COL28A1: variants seen among roughly 807,000 people sequenced by gnomAD.
The protein encoded by COL28A1 is collagen alpha-1(XXVIII) chain.
COL28A1 carries 161 observed loss-of-function variants against 150.2 expected under a neutral mutation model. The ratio of observed to expected loss-of-function variants is 1.07; its 90% CI spans 0.94 to 1.22. The LOEUF is 1.22. Ranked by LOEUF, COL28A1 falls within the 50% of genes most tolerant of loss-of-function variation. COL28A1 has a pLI of 0.00. For missense variants in COL28A1, 1,617 were observed against 1,388.3 expected, an observed-to-expected ratio of 1.16 and a Z score of -2.62; for synonymous variants, 552 against 469.7, an observed-to-expected ratio of 1.18 and a Z score of -2.26.
At chr7:7,415,734 A>G (rs1291553997) in intron 27 of COL28A1, among the ~76,000 whole-genome samples, 2 of 152,030 alleles carry the variant, frequency 1.3e-5, no homozygotes, top group African/African-American at 2.4e-5. Flanking sequence ...GGGTTTCACC[A>G]TATTGGTGAG....
At chr7:7,423,409 T>C (rs1374446370) in intron 25 of COL28A1, among the ~76,000 whole-genome samples, 1 of 152,216 alleles carries the variant, frequency 6.6e-6, no homozygotes, top group Non-Finnish European at 1.5e-5. Context: ...GAACCTGAGA[T>C]AGTGTTGCTG....
At chr7:7,504,190 T>G (rs980158093) in intron 11 of COL28A1, among the ~76,000 whole-genome samples, 4 of 152,200 alleles carry the variant, frequency 2.6e-5, no homozygotes, top group African/African-American at 9.7e-5. Context: ...CCCTAAGTGA[T>G]AACACTATTA....
Position 7,373,244 on chromosome 7 carries a change from A to C in COL28A1, c.2662T>G (p.Phe888Val), listed in dbSNP as rs1249789307. The change falls in exon 32 of 35, where the codon TTT becomes GTT. Residue 888 changes from phenylalanine (F) to valine (V), a missense_variant. Transcript: ENST00000399429. This position sits in a 1 kb window ranked among gnomAD's most constrained non-coding sequence, Gnocchi z 4.1. ...TTTACACCTGGCCTTGCATCTTCAA[A>C]CATGTCGTTGGCTGCTTGCAGAGCA... ...ATALQAANDM[F>V]EDARPGVKKV... 2.5e-6 allele frequency: 4 copies of C among 1,614,136 alleles called. No individual in the cohort carries two copies. The highest frequency in any genetic ancestry group is 2.7e-5 in the African/African-American group (2 of 75,012).
At chr7:7,351,000 G>C in the COL28A1 span, among the ~76,000 whole-genome samples, 1 of 152,054 alleles carries the variant, frequency 6.6e-6, no homozygotes, top group Non-Finnish European at 1.5e-5. Context: ...CAATCCACAA[G>C]TCTCAATTTA....
At chr7:7,430,319 G>T (rs1214421784) in intron 25 of COL28A1, among the ~76,000 whole-genome samples, 1 of 152,038 alleles carries the variant, frequency 6.6e-6, no homozygotes, top group Admixed American at 6.6e-5. Context: ...TAGAGACGGG[G>T]TTTCACCATG....
intron 30 of COL28A1, among the ~76,000 whole-genome samples, chr7:7,378,304 T>A (rs1354490963): frequency 6.6e-6 from 1 of 152,152 alleles, no homozygotes; most frequent in Non-Finnish European, 1.5e-5. Context: ...AAAACACTAT[T>A]TTTTCATTCA....
At chr7:7,346,451 A>G in the COL28A1 span, among the ~76,000 whole-genome samples, 4 of 152,098 alleles carry the variant, frequency 2.6e-5, no homozygotes, top group Admixed American at 6.6e-5. Context: ...AATCTAGAGA[A>G]TTAGAAAAGC....
intron 13 of COL28A1, among the ~76,000 whole-genome samples, chr7:7,479,459 G>A (rs1030297266): frequency 6.6e-6 from 1 of 152,194 alleles, no homozygotes; most frequent in African/African-American, 2.4e-5. Flanking sequence ...AGGATGCAGA[G>A]TGATTTAATA....
At chr7:7,525,025 C>T (rs144995615) in intron 3 of COL28A1, among the ~76,000 whole-genome samples, 1 of 152,116 alleles carries the variant, frequency 6.6e-6, no homozygotes, top group Non-Finnish European at 1.5e-5. Flanking sequence ...AGAGGACTTA[C>T]ATTTATAACT....
intron 27 of COL28A1, among the ~76,000 whole-genome samples, chr7:7,411,093 C>A (rs1218515949): frequency 6.6e-6 from 1 of 152,118 alleles, no homozygotes; most frequent in Non-Finnish European, 1.5e-5. Flanking sequence ...GTGAGATTTC[C>A]ACTACAGAAT....
In COL28A1 at chr7:7,533,243, A is replaced by C. The variant is rs534619024; in HGVS notation, c.-37-331T>G. ...CCGCTCTATATGATTACTGTGGTTC[A>C]ATCACAGGGTCTGCTTTGACATTTC... On this transcript the variant is annotated intron_variant, in intron 1 of 34. Coordinates refer to ENST00000399429, the MANE Select transcript of COL28A1 (RefSeq NM_001037763.3). 3.3e-5 allele frequency among the ~76,000 whole-genome samples: 5 copies of C among 152,278 alleles called. No homozygotes were observed. In the East Asian group the frequency reaches 9.6e-4, roughly 29 times the overall value.
At chr7:7,399,265 C>G (rs946774257) in intron 27 of COL28A1, among the ~76,000 whole-genome samples, 2 of 152,154 alleles carry the variant, frequency 1.3e-5, no homozygotes, top group Non-Finnish European at 2.9e-5. Flanking sequence ...GTCCCAGCCT[C>G]CCAAACACAT....
At chr7:7,366,266 A>C (rs1860730) in intron 33 of COL28A1, among the ~76,000 whole-genome samples, 107,100 of 152,058 alleles carry the variant, frequency 0.7, 39,519 homozygotes, top group East Asian at 0.88. Flanking sequence ...GATATACCAT[A>C]AATTTTAAAA....
chr7:7,402,551 C>G (rs1860724), intron 27 of COL28A1, among the ~76,000 whole-genome samples: 43,514 of 152,124 alleles, frequency 0.29, 6,467 homozygotes, highest in Middle Eastern at 0.42. Flanking sequence ...TAGGGAGATA[C>G]AGTTCTCACT....
chr7:7,494,915 A>G (rs902775362), intron 11 of COL28A1, among the ~76,000 whole-genome samples: 1 of 152,184 alleles, frequency 6.6e-6, no homozygotes, highest in African/African-American at 2.4e-5. Flanking sequence ...CTGATGGAAA[A>G]GAAAAGAAAC....
At chr7:7,448,750 T>C (rs1786461064) in intron 18 of COL28A1, among the ~76,000 whole-genome samples, 1 of 152,064 alleles carries the variant, frequency 6.6e-6, no homozygotes, top group South Asian at 2.1e-4. Context: ...TATATCCATA[T>C]AATACAATAC....
chr7:7,471,125 T>TAAAAAAAAAAAAAAAAAAAAAAAAAATA (rs746981344), intron 15 of COL28A1, among the ~76,000 whole-genome samples: 9 of 88,478 alleles, frequency 1.0e-4, no homozygotes, highest in Non-Finnish European at 1.6e-4. Flanking sequence ...AAAAAATAAT[T>TAAAAAAAAAAAAAAAAAAAAAAAAAATA]AAAAAAAAAA....
chr7:7,499,651 G>A (rs1780415357), intron 11 of COL28A1, among the ~76,000 whole-genome samples: 1 of 152,104 alleles, frequency 6.6e-6, no homozygotes. Flanking sequence ...AAATTGTTAG[G>A]TTTTTGACTT....
intron 13 of COL28A1, among the ~76,000 whole-genome samples, chr7:7,481,394 AC>A (rs1390805269): frequency 1.3e-5 from 2 of 152,226 alleles, no homozygotes; most frequent in East Asian, 3.8e-4. Context: ...CTCAGCATGG[AC>A]GATGATCATT....
Sources: allele counts gnomAD v4.1 joint callset (sites outside exome capture counted in the v4.1 genomes callset), GRCh38; gene constraint gnomAD v4.1.1; non-coding constraint Gnocchi (gnomAD v3.1); transcripts MANE v1.5; gene names NCBI Gene and HGNC (gene_info 2026-07-23, HGNC 2026-07-21).